The following CGNL1 variants were observed in gnomAD, a reference collection of about 807,000 sequenced individuals.
CGNL1 encodes the protein cingulin-like protein 1.
Under a neutral mutation model 141.2 loss-of-function variants are expected in CGNL1, and 132 were observed. The observed-to-expected ratio is 0.93, with a 90% CI of 0.81 to 1.08. The LOEUF (loss-of-function observed/expected upper bound fraction) is 1.08, where lower values mean the gene tolerates loss of function less well. Among genes scored for constraint, CGNL1 ranks in the 50% least tolerant of loss-of-function variants. The pLI is 0.00. For synonymous variants in CGNL1, 690 were observed against 622.1 expected, an observed-to-expected ratio of 1.11 and a Z score of -1.63; for missense variants, 1,870 against 1,588.6, an observed-to-expected ratio of 1.18 and a Z score of -3.01.
intron 8 of CGNL1, among the ~76,000 whole-genome samples, chr15:57,508,189 T>TC (rs2064130170): frequency 1.5e-5 from 1 of 66,224 alleles, no homozygotes; most frequent in Non-Finnish European, 3.0e-5. Context: ...CCCTCCACCC[T>TC]CCCCCCGCCC....
At chr15:57,530,405 T>C (rs2031882569) in intron 13 of CGNL1, among the ~76,000 whole-genome samples, 1 of 152,238 alleles carries the variant, frequency 6.6e-6, no homozygotes, top group Non-Finnish European at 1.5e-5. Context: ...GAGGGGTGTT[T>C]CGTCCCCTAA....
intron 8 of CGNL1, chr15:57,477,404 C>A (rs1431956105): frequency 6.6e-6 from 1 of 152,164 alleles, no homozygotes; most frequent in East Asian, 1.9e-4. Context: ...ACACTGGGTT[C>A]TTCATGTATT....
At chr15:57,427,145 G>T (rs1203684506) in intron 1 of CGNL1, among the ~76,000 whole-genome samples, 1 of 152,126 alleles carries the variant, frequency 6.6e-6, no homozygotes, top group Non-Finnish European at 1.5e-5. Context: ...GGTCTTACTG[G>T]GGCATGAGGT....
At chr15:57,503,304 A>C (rs1280387) in intron 8 of CGNL1, among the ~76,000 whole-genome samples, 123,342 of 152,154 alleles carry the variant, frequency 0.81, 50,863 homozygotes, top group Non-Finnish European at 0.89. Context: ...GGCTTCTCAA[A>C]ATCACGAGTC....
chr15:57,524,356 T>A (rs2031472273), intron 11 of CGNL1, among the ~76,000 whole-genome samples: 1 of 152,202 alleles, frequency 6.6e-6, no homozygotes, highest in African/African-American at 2.4e-5. Context: ...CCTAGGACCC[T>A]GAGGCTGTGT....
chr15:57,520,398 T>A (rs766433941), intron 10 of CGNL1, among the ~76,000 whole-genome samples: 1 of 152,212 alleles, frequency 6.6e-6, no homozygotes, highest in Non-Finnish European at 1.5e-5. Context: ...GTCTTTGTGC[T>A]ATTGGTCTAT....
rs770963676 is a variant in CGNL1 at position 57,439,423 on chromosome 15, G to A, written c.1424G>A (p.Gly475Asp). Residue 475 changes from glycine to aspartate, a missense_variant, in exon 2 of 19, where the codon GGT becomes GAT. Transcript: ENST00000281282. ...GATGGGAAAGTTCTGGAAACCGAAG[G>A]TAGTCAGGAAAGTACAGTGATCCGT... ...NIDGKVLETE[G>D]SQESTVIRAP... is the part of the protein sequence containing the mutation. 1.2e-6 allele frequency: 2 copies of A among 1,614,206 alleles called. No individual in the cohort carries two copies. The highest frequency in any genetic ancestry group is 3.3e-5 in the Admixed American group (2 of 60,022).
intron 4 of CGNL1, among the ~76,000 whole-genome samples, chr15:57,447,696 G>T (rs2063271605): frequency 6.6e-6 from 1 of 151,054 alleles, no homozygotes; most frequent in South Asian, 2.2e-4. Flanking sequence ...TTTGAATATT[G>T]CTTCTTTCAC....
intron 1 of CGNL1, among the ~76,000 whole-genome samples, chr15:57,429,993 T>C (rs545044618): frequency 1.3e-4 from 20 of 152,286 alleles, no homozygotes; most frequent in African/African-American, 4.3e-4. Flanking sequence ...GTATTTTTCA[T>C]AGAGATGGGG....
At chr15:57,530,814 T>C (rs1349654721) in intron 13 of CGNL1, among the ~76,000 whole-genome samples, 1 of 152,220 alleles carries the variant, frequency 6.6e-6, no homozygotes, top group Non-Finnish European at 1.5e-5. Flanking sequence ...TATTTAGGGA[T>C]AGAGGTGCCC....
intron 8 of CGNL1, among the ~76,000 whole-genome samples, chr15:57,473,101 C>A (rs939531059): frequency 6.6e-6 from 1 of 152,104 alleles, no homozygotes; most frequent in Non-Finnish European, 1.5e-5. Flanking sequence ...ATGGTCAAGC[C>A]ACAAGAATTG....
At chr15:57,490,397 AACAC>A (rs34731849) in intron 8 of CGNL1, among the ~76,000 whole-genome samples, 2 of 151,250 alleles carry the variant, frequency 1.3e-5, no homozygotes, top group African/African-American at 2.4e-5. Context: ...AAGTGCTCCA[AACAC>A]ACACACACAC....
chr15:57,496,313 C>T (rs1203295173), intron 8 of CGNL1, among the ~76,000 whole-genome samples: 4 of 152,122 alleles, frequency 2.6e-5, no homozygotes, highest in African/African-American at 9.7e-5. Flanking sequence ...TGGGTTGAGC[C>T]CTGCCTTCTA....
chr15:57,438,938 A>G lies in CGNL1; in HGVS notation c.939A>G (p.Leu313=), dbSNP rs1163604040. 1 of 1,614,088 alleles carries G rather than the reference A, an allele frequency of 6.2e-7. No individual in the cohort carries two copies. Among genetic ancestry groups the G allele is most frequent in the Non-Finnish European group, 8.5e-7 (1 of 1,180,042 alleles). The part of the protein sequence containing the change: ...PTSANSLYRF[L]LDDQECAIHA... ...CAGCCAACTCTTTGTACAGGTTTTT[A>G]CTGGATGATCAGGAATGTGCCATCC... Residue 313 remains leucine, a synonymous_variant, in exon 2 of 19, where the codon TTA becomes TTG. Coordinates refer to ENST00000281282, the MANE Select transcript of CGNL1 (RefSeq NM_032866.5).
intron 4 of CGNL1, among the ~76,000 whole-genome samples, chr15:57,447,059 A>G (rs2063262067): frequency 6.6e-6 from 1 of 152,098 alleles, no homozygotes; most frequent in Non-Finnish European, 1.5e-5. Context: ...AAAAGCCTCT[A>G]GGAATTTTGA....
At chr15:57,424,578 T>A (rs1355372750) in intron 1 of CGNL1, among the ~76,000 whole-genome samples, 2 of 152,220 alleles carry the variant, frequency 1.3e-5, no homozygotes, top group Non-Finnish European at 2.9e-5. Context: ...GCACAGATAC[T>A]ACCACGCCAT....
Position 57,516,964 on chromosome 15 carries a change from A to G in CGNL1, c.2588A>G (p.Lys863Arg), listed in dbSNP as rs1820631187. The change falls in exon 9 of 19, where the codon AAG (lysine) becomes AGG (arginine). Residue 863 changes from lysine to arginine, a missense_variant. Transcript: ENST00000281282. ...CTGAAAGGCGATGAAGCCAAGGCGA[A>G]GGAAACGCTGAAGAAGTACGAGGTG... ...EDLKGDEAKA[K>R]ETLKKYEGEI... 1.2e-6 allele frequency: 2 copies of G among 1,613,422 alleles called. No individual in the cohort carries two copies. The highest frequency in any genetic ancestry group is 8.5e-7 in the Non-Finnish European group (1 of 1,179,988).
chr15:57,542,634 G>A (rs1282088357), intron 14 of CGNL1, among the ~76,000 whole-genome samples: 3 of 151,594 alleles, frequency 2.0e-5, no homozygotes. Context: ...CATAAAAAAG[G>A]AGAAATCTAG....
chr15:57,530,129 C>T (rs1371653620), intron 13 of CGNL1, among the ~76,000 whole-genome samples: 1 of 152,252 alleles, frequency 6.6e-6, no homozygotes, highest in Non-Finnish European at 1.5e-5. Context: ...CCCTGGCCGG[C>T]ACCCTTAACA....
Sources: gnomAD v4.1 joint callset for allele counts (sites outside exome capture counted in the v4.1 genomes callset) on GRCh38, gnomAD v4.1.1 for gene constraint, MANE v1.5 for transcripts, NCBI Gene and HGNC (gene_info 2026-07-23, HGNC 2026-07-21) for gene names.